The following PDE4D variants were observed in gnomAD, a reference collection of about 807,000 sequenced individuals.
The protein encoded by PDE4D is 3',5'-cyclic-AMP phosphodiesterase 4D.
In PDE4D, 24 loss-of-function variants were observed where a neutral mutation model predicts 87.4. That is an observed-to-expected ratio of 0.27 (90% confidence interval 0.20 to 0.39). The LOEUF (loss-of-function observed/expected upper bound fraction) is 0.39. Ranked by LOEUF, PDE4D falls within the 10% of genes least tolerant of loss-of-function variation. The pLI, the probability that PDE4D is intolerant of heterozygous loss-of-function variation, is 1.00. For synonymous variants in PDE4D, 384 were observed against 383.2 expected, an observed-to-expected ratio of 1.00 and a Z score of -0.02; for missense variants, 714 against 1,041.0, an observed-to-expected ratio of 0.69 and a Z score of 4.32.
chr5:59,943,839 A>AC (rs1318556547), intron 3 of PDE4D, among the ~76,000 whole-genome samples: 5 of 152,202 alleles, frequency 3.3e-5, no homozygotes, highest in African/African-American at 1.2e-4. Flanking sequence ...AAGTCCTTTA[A>AC]TTGTGCAGTA....
chr5:59,509,560 C>A (rs893361223), intron 1 of PDE4D, among the ~76,000 whole-genome samples: 11 of 151,380 alleles, frequency 7.3e-5, no homozygotes, highest in Admixed American at 7.2e-4. Context: ...AAAATCTATT[C>A]TTTTGTATTT....
chr5:59,871,608 C>T (rs1048278338), intron 1 of PDE4D, among the ~76,000 whole-genome samples: 5 of 152,198 alleles, frequency 3.3e-5, no homozygotes, highest in Non-Finnish European at 7.3e-5. Context: ...ATTAGTACAA[C>T]TTCAGTATTT....
At chr5:59,595,448 T>C (rs1385566489) in intron 1 of PDE4D, among the ~76,000 whole-genome samples, 1 of 152,212 alleles carries the variant, frequency 6.6e-6, no homozygotes. Flanking sequence ...TATACTTCTT[T>C]CCAGTCTTCC....
chr5:59,892,327 A>G (rs1751072630), intron 1 of PDE4D, among the ~76,000 whole-genome samples: 1 of 152,126 alleles, frequency 6.6e-6, no homozygotes, highest in South Asian at 2.1e-4. Flanking sequence ...CGGAGCACTT[A>G]CGTTAAGGGG....
intron 2 of PDE4D, among the ~76,000 whole-genome samples, chr5:59,215,016 G>A (rs913892672): frequency 7.2e-5 from 11 of 152,264 alleles, no homozygotes; most frequent in South Asian, 2.1e-4. Flanking sequence ...GATGAAGATC[G>A]ATTCTATACA....
intron 5 of PDE4D, among the ~76,000 whole-genome samples, chr5:59,126,145 G>A: frequency 2.1e-5 from 3 of 143,530 alleles, no homozygotes; most frequent in East Asian, 2.0e-4. Flanking sequence ...AAGGAAGAAA[G>A]GAAAAAAGGA....
chr5:58,971,349 C>T lies in PDE4D; in HGVS notation c.*3315G>A, dbSNP rs1742567668. 6.6e-6 allele frequency: 1 copy of T among 152,508 alleles called. No homozygotes were observed. The highest frequency in any genetic ancestry group is 2.4e-5 in the African/African-American group (1 of 41,426). 9.4% of individuals were successfully genotyped at this position (152,508 alleles called of 1,614,324 possible). ...AAGAAAAATGTACAGAGTATGTATACACACCATTCATTCTCTCACCAAGAG... is the reference window on the plus strand; with the variant it reads ...AAGAAAAATGTACAGAGTATGTATATACACCATTCATTCTCTCACCAAGAG... On this transcript the variant is annotated 3_prime_UTR_variant, in exon 15 of 15. Coordinates refer to ENST00000340635, the MANE Select transcript of PDE4D (RefSeq NM_001104631.2).
At chr5:60,410,933 T>C (rs1384780897) in intron 1 of PDE4D, among the ~76,000 whole-genome samples, 1 of 152,240 alleles carries the variant, frequency 6.6e-6, no homozygotes, top group African/African-American at 2.4e-5. Flanking sequence ...TTTAAACTTC[T>C]CAATAATCAT....
At chr5:60,053,579 A>G (rs1006261664) in intron 2 of PDE4D, among the ~76,000 whole-genome samples, 1 of 152,234 alleles carries the variant, frequency 6.6e-6, no homozygotes, top group African/African-American at 2.4e-5. Context: ...ACCTAAAACC[A>G]TAAAAACCCT....
intron 1 of PDE4D, among the ~76,000 whole-genome samples, chr5:59,635,433 A>C (rs1561373208): frequency 6.6e-6 from 1 of 152,172 alleles, no homozygotes; most frequent in African/African-American, 2.4e-5. Context: ...GAGACACAAC[A>C]AAAAAAGAAA....
At chr5:60,024,620 C>T (rs1766425194) in intron 2 of PDE4D, among the ~76,000 whole-genome samples, 1 of 151,966 alleles carries the variant, frequency 6.6e-6, no homozygotes, top group Admixed American at 6.6e-5. Flanking sequence ...GTAACAGTCC[C>T]CAAGCACAAT....
chr5:59,923,384 T>A (rs1054825980), intron 3 of PDE4D, among the ~76,000 whole-genome samples: 2 of 152,138 alleles, frequency 1.3e-5, no homozygotes, highest in African/African-American at 4.8e-5. Flanking sequence ...CAGGTACTGG[T>A]CATTGCAGGC....
chr5:59,422,300 C>T (rs1303888511), intron 1 of PDE4D, among the ~76,000 whole-genome samples: 2 of 152,064 alleles, frequency 1.3e-5, no homozygotes, highest in Non-Finnish European at 2.9e-5. Flanking sequence ...CCTTAGGGGC[C>T]CTTCTCTCCA....
chr5:60,161,144 G>A (rs1032112362), intron 2 of PDE4D, among the ~76,000 whole-genome samples: 30 of 152,056 alleles, frequency 2.0e-4, no homozygotes, highest in African/African-American at 5.6e-4. Context: ...GAGAAGGGCC[G>A]CAATAACTCT....
chr5:59,388,024 T>A (rs1267148880), intron 1 of PDE4D, among the ~76,000 whole-genome samples: 1 of 152,110 alleles, frequency 6.6e-6, no homozygotes, highest in African/African-American at 2.4e-5. Flanking sequence ...GCTTTCACAT[T>A]TAAATGAGAT....
At chr5:59,624,530 T>G (rs1830684097) in intron 1 of PDE4D, among the ~76,000 whole-genome samples, 1 of 152,226 alleles carries the variant, frequency 6.6e-6, no homozygotes, top group South Asian at 2.1e-4. Context: ...AGAGACGCTG[T>G]GGCACAAACG....
chr5:60,292,193 T>G lies in PDE4D; in HGVS notation c.-89-106506A>C, dbSNP rs375396476. Among the ~76,000 whole-genome samples the G allele has an allele frequency of 1.8e-4, 27 of 152,284 alleles. No individual in the cohort carries two copies. The South Asian group carries it at 4.8e-3, about 27-fold the overall frequency. ...ACACATTATTTAAAGAATAAAATTT[T>G]TACCGTTTTCCAATAATACCATGCA... On this transcript the variant is annotated intron_variant, in intron 1 of 16. Transcript: ENST00000502484.
At chr5:59,265,222 G>C (rs1204823812) in intron 1 of PDE4D, among the ~76,000 whole-genome samples, 1 of 151,982 alleles carries the variant, frequency 6.6e-6, no homozygotes, top group Admixed American at 6.6e-5. Context: ...ATTCCTTTCA[G>C]ATGAAACCCC....
At chr5:59,033,353 G>A (rs561562498) in intron 6 of PDE4D, among the ~76,000 whole-genome samples, 30 of 152,314 alleles carry the variant, frequency 2.0e-4, no homozygotes, top group African/African-American at 7.2e-4. Flanking sequence ...CTACATTCTA[G>A]AAAGATCTCA....
Sources: allele counts gnomAD v4.1 joint callset (sites outside exome capture counted in the v4.1 genomes callset), GRCh38; gene constraint gnomAD v4.1.1; transcripts MANE v1.5; gene names NCBI Gene and HGNC (gene_info 2026-07-23, HGNC 2026-07-21).